MYLK: variants seen among roughly 807,000 people sequenced by gnomAD.
The protein encoded by MYLK is myosin light chain kinase.
Under a neutral mutation model 203.4 loss-of-function variants are expected in MYLK, and 106 were observed. That is an observed-to-expected ratio of 0.52 (90% CI 0.45 to 0.61). The LOEUF is 0.61. MYLK is among the 20% of genes least tolerant of loss of function. The pLI is 0.00. For synonymous variants in MYLK, 867 were observed against 959.5 expected, an observed-to-expected ratio of 0.90 and a Z score of 1.78; for missense variants, 2,072 against 2,442.3, an observed-to-expected ratio of 0.85 and a Z score of 3.20.
chr3:123,781,166 G>A (rs898565358), intron 4 of MYLK, among the ~76,000 whole-genome samples: 1 of 152,234 alleles, frequency 6.6e-6, no homozygotes. Flanking sequence ...GTGGAGAAAG[G>A]CAAATGCCAG....
intron 2 of MYLK, among the ~76,000 whole-genome samples, chr3:123,846,217 G>A (rs1257931541): frequency 2.0e-5 from 3 of 152,110 alleles, no homozygotes; most frequent in Non-Finnish European, 1.5e-5. Flanking sequence ...TGTTCCTCCC[G>A]TAAGAACCAT....
At position 123,751,769 on chromosome 3, in the gene MYLK, G is replaced by A. The variant is rs557910219; in HGVS notation, c.373+562C>T. 3.3e-5 allele frequency among the ~76,000 whole-genome samples: 5 copies of A among 152,286 alleles called. No homozygotes were observed. In the South Asian group the frequency reaches 1.0e-3, roughly 32 times the overall value. On this transcript the variant is annotated intron_variant, in intron 5 of 33. Coordinates refer to ENST00000360304, the MANE Select transcript of MYLK (RefSeq NM_053025.4). Reference sequence around the variant, plus strand: ...AAAAGAAAAACCTCGAGTGGGGTGAGAAGATGGAGAGTCATAGGGCTGGGA... The same window carrying A: ...AAAAGAAAAACCTCGAGTGGGGTGAAAAGATGGAGAGTCATAGGGCTGGGA...
At position 123,626,924 on chromosome 3, in the gene MYLK, G is replaced by A. The variant is rs374662467; in HGVS notation, c.5132C>T (p.Thr1711Met). The change falls in exon 31 of 34, where the codon ACG (threonine) becomes ATG (methionine). Residue 1711 changes from threonine (T) to methionine (M), a missense_variant. This residue lies in a region of MYLK where 524 missense variants were observed against 782.4 expected (regional missense o/e 0.67). Coordinates refer to ENST00000360304, the MANE Select transcript of MYLK (RefSeq NM_053025.4). ...TAGCCATGGATGCTGAAGGCACTGC[G>A]TGCAGTCCAGGCGGTTTCTGACAGA... ...KKDMKNRLDC[T>M]QCLQHPWLMK... The A allele has an allele frequency of 2.1e-5, 34 of 1,614,164 alleles. No individual in the cohort carries two copies. Among genetic ancestry groups the A allele is most frequent in the East Asian group, 1.8e-4 (8 of 44,884 alleles).
At chr3:123,810,861 T>G (rs1297578236) in intron 3 of MYLK, among the ~76,000 whole-genome samples, 1 of 152,232 alleles carries the variant, frequency 6.6e-6, no homozygotes, top group African/African-American at 2.4e-5. Flanking sequence ...GAACAACTGA[T>G]TTTTGCCATC....
intron 5 of MYLK, among the ~76,000 whole-genome samples, chr3:123,742,471 C>T (rs1322731854): frequency 6.6e-6 from 1 of 151,634 alleles, no homozygotes; most frequent in African/African-American, 2.4e-5. Flanking sequence ...TTTTCTAAAA[C>T]CTATAAATAC....
chr3:123,815,712 G>A (rs1042562581), intron 3 of MYLK, among the ~76,000 whole-genome samples: 4 of 152,212 alleles, frequency 2.6e-5, no homozygotes, highest in African/African-American at 7.2e-5. Flanking sequence ...AGAAAAATGA[G>A]GACAACATGG....
At chr3:123,806,916 C>T (rs1050017957) in intron 3 of MYLK, among the ~76,000 whole-genome samples, 1 of 151,954 alleles carries the variant, frequency 6.6e-6, no homozygotes, top group Non-Finnish European at 1.5e-5. Flanking sequence ...CCACCCACCT[C>T]GGCCTCCCAA....
intron 30 of MYLK, 41 bp from the exon 31 acceptor site, chr3:123,626,982 G>T: frequency 4.3e-6 from 7 of 1,612,762 alleles, no homozygotes; most frequent in South Asian, 1.1e-5. Context: ...AGCAGGAGGA[G>T]ACCTCAGAGA....
At chr3:123,819,411 C>A (rs1393233059) in intron 3 of MYLK, among the ~76,000 whole-genome samples, 1 of 152,152 alleles carries the variant, frequency 6.6e-6, no homozygotes, top group East Asian at 1.9e-4. Flanking sequence ...AGAACCAGTA[C>A]AGGAAAATGA....
At chr3:123,724,273 C>A (rs186541501) in intron 12 of MYLK, among the ~76,000 whole-genome samples, 1 of 151,764 alleles carries the variant, frequency 6.6e-6, no homozygotes, top group East Asian at 1.9e-4. Context: ...TGGGCCACTG[C>A]GCCCAGCCTC....
intron 19 of MYLK, among the ~76,000 whole-genome samples, chr3:123,686,392 C>T (rs2060458440): frequency 1.3e-5 from 2 of 151,796 alleles, no homozygotes; most frequent in African/African-American, 4.8e-5. Context: ...TTAATCTCCC[C>T]CAAGAGGCTG....
At chr3:123,741,775 C>A (rs1244854203) in intron 5 of MYLK, among the ~76,000 whole-genome samples, 1 of 152,190 alleles carries the variant, frequency 6.6e-6, no homozygotes, top group African/African-American at 2.4e-5. Flanking sequence ...AATAAGTAGT[C>A]AGGTAAAATG....
intron 16 of MYLK, among the ~76,000 whole-genome samples, chr3:123,704,781 G>C (rs977495914): frequency 2.0e-5 from 3 of 150,304 alleles, no homozygotes; most frequent in Non-Finnish European, 4.4e-5. Context: ...TTAGCCGGGC[G>C]TGGTGGTAGG....
chr3:123,657,100 C>T (rs770549623), intron 24 of MYLK, 26 bp downstream of exon 24: 2 of 1,613,730 alleles, frequency 1.2e-6, no homozygotes, highest in Non-Finnish European at 1.7e-6. Flanking sequence ...TTGTTTCAAG[C>T]CACTGATGAA....
chr3:123,618,599 C>T (rs1475075738), intron 33 of MYLK, 40 bp downstream of exon 33: 5 of 1,612,880 alleles, frequency 3.1e-6, no homozygotes, highest in East Asian at 2.2e-5. Flanking sequence ...CATCCAGCCA[C>T]ACCCTATTCA....
intron 14 of MYLK, chr3:123,709,314 G>A (rs546456194): frequency 1.7e-5 from 4 of 236,634 alleles, no homozygotes; most frequent in Non-Finnish European, 3.4e-5. Context: ...CTAATTTTTT[G>A]TATTTTTTAG....
chr3:123,741,664 G>A (rs896424245), intron 5 of MYLK, among the ~76,000 whole-genome samples: 1 of 152,152 alleles, frequency 6.6e-6, no homozygotes, highest in Non-Finnish European at 1.5e-5. Flanking sequence ...CAAAGGAAAC[G>A]ACGCTAAAGT....
intron 2 of MYLK, among the ~76,000 whole-genome samples, chr3:123,848,000 C>T (rs1224521188): frequency 6.6e-6 from 1 of 151,856 alleles, no homozygotes; most frequent in Non-Finnish European, 1.5e-5. Flanking sequence ...CCATTTAAGC[C>T]TTATATTTTT....
Position 123,648,063 on chromosome 3 carries a change from A to G in MYLK, c.4416-636T>C, listed in dbSNP as rs765184484. ...GGGTCCTGCTTCCTACTGCTGAGAG[A>G]GGGGAGAGTGGGGCTCCTCTGTGAT... On this transcript the variant is annotated intron_variant, in intron 26 of 33. Transcript: ENST00000360304. The surrounding 1 kb of genome is among the most constrained non-coding windows in gnomAD (Gnocchi z 4.5). Among the ~76,000 whole-genome samples the G allele has an allele frequency of 1.3e-5, 2 of 152,088 alleles. No homozygotes were observed. The highest frequency in any genetic ancestry group is 2.9e-5 in the Non-Finnish European group (2 of 68,010).
Sources: gnomAD v4.1 joint callset for allele counts (sites outside exome capture counted in the v4.1 genomes callset) on GRCh38, gnomAD v4.1.1 for gene constraint, gnomAD v4.1.1 regional missense constraint, Gnocchi (gnomAD v3.1) non-coding constraint, MANE v1.5 for transcripts, NCBI Gene and HGNC (gene_info 2026-07-23, HGNC 2026-07-21) for gene names.